MUTYH: variants seen among roughly 807,000 people sequenced by gnomAD.
MUTYH encodes the protein adenine DNA glycosylase.
A neutral mutation model predicts 72.9 loss-of-function variants in MUTYH; 64 were observed. The observed-to-expected ratio is 0.88, with a 90% CI of 0.72 to 1.08. MUTYH has a LOEUF of 1.08. MUTYH is among the 50% of genes least tolerant of loss of function. The probability of loss-of-function intolerance (pLI) is 0.00; values close to 1 mark genes in which losing one functional copy is unlikely to be tolerated. For synonymous variants in MUTYH, 234 were observed against 263.1 expected (o/e 0.89, Z 1.07); for missense variants, 633 against 671.0 (o/e 0.94, Z 0.63).
chr1:45,331,853 G>C lies in MUTYH; in HGVS notation c.914-4C>G. ...TGGCACTGTCCAGTGTTGGGAGCTG[G>C]GAACGGAGATCCCCGAACCCTACTC... On this transcript the variant is annotated splice_polypyrimidine_tract_variant and splice_region_variant and intron_variant, in intron 11 of 15. Coordinates refer to ENST00000456914, the MANE Select transcript of MUTYH (RefSeq NM_001048174.2). 1 of 1,600,652 alleles carries C rather than the reference G, an allele frequency of 6.2e-7. No homozygotes were observed. Among genetic ancestry groups the C allele is most frequent in the South Asian group, 1.1e-5 (1 of 89,866 alleles).
At chr1:45,339,986 C>G, upstream of MUTYH, 1 of 1,533,622 alleles carries the variant, frequency 6.5e-7, no homozygotes, top group Non-Finnish European at 8.8e-7. Flanking sequence ...CTCCCGCGAG[C>G]TCTAGCGCGC....
intron 14 of MUTYH, 114 bp downstream of exon 14, chr1:45,331,068 G>T: frequency 7.0e-7 from 1 of 1,423,512 alleles, no homozygotes; most frequent in Non-Finnish European, 9.8e-7. Flanking sequence ...CTGGGCAACA[G>T]AGCGATTCTC....
rs77576284 is a variant in MUTYH at position 45,338,650 on chromosome 1, T to C, written c.-7+1249A>G. On this transcript the variant is annotated intron_variant, in intron 1 of 15. Transcript: ENST00000456914. ...TCAGTGCCAGGTAAACTGTACACAA[T>C]AGATACCTGTTAAATGAATTAATGG... 703 of 197,692 alleles carry C rather than the reference T, an allele frequency of 3.6e-3. 14 individuals are homozygous for C. The highest frequency in any genetic ancestry group is 0.03 in the East Asian group (370 of 12,192). The allele number at this position is 197,692 out of a possible 1,614,324, so 12.2% of individuals were successfully genotyped here. A position where few individuals can be genotyped will look rare whatever the true frequency, so the allele number is the denominator to read the frequency against.
At chr1:45,331,077 T>C (rs1404072947) in intron 14 of MUTYH, 105 bp downstream of exon 14, 2 of 1,489,066 alleles carry the variant, frequency 1.3e-6, no homozygotes, top group African/African-American at 2.8e-5. Context: ...AGAGCGATTC[T>C]CCGTCTCAAA....
chr1:45,335,494 G>T (rs1476947650), intron 1 of MUTYH, among the ~76,000 whole-genome samples: 1 of 150,990 alleles, frequency 6.6e-6, no homozygotes, highest in Non-Finnish European at 1.5e-5. Context: ...ACCTCCATTT[G>T]CACTGTCTTA....
At chr1:45,334,241 G>A (rs569821723) in intron 2 of MUTYH, 150 bp downstream of exon 2, 12 of 1,194,930 alleles carry the variant, frequency 1.0e-5, no homozygotes, top group African/African-American at 1.5e-5. Context: ...CACCTGCCTC[G>A]GCCTCCCAAA....
At chr1:45,340,271 G>A (rs968086975), upstream of MUTYH, 3 of 1,613,780 alleles carry the variant, frequency 1.9e-6, no homozygotes, top group East Asian at 2.2e-5. Context: ...CGACAGTGAC[G>A]ATGGCGCAGT....
At chr1:45,336,204 C>A (rs1570491973) in intron 1 of MUTYH, among the ~76,000 whole-genome samples, 1 of 152,208 alleles carries the variant, frequency 6.6e-6, no homozygotes, top group South Asian at 2.1e-4. Context: ...ACAAATAGAG[C>A]TGGACATGCT....
In MUTYH at chr1:45,333,403, G is replaced by A. The variant is rs369242529; in HGVS notation, c.264+10C>T. ...CTCCCACCCACTGTCCCTGCTCCTC[G>A]CCTGCCTACCCGTCTTCTCCATGGT... is the stretch of plus-strand genomic sequence containing the variant. On this transcript the variant is annotated intron_variant, in intron 3 of 15. Coordinates refer to ENST00000456914, the MANE Select transcript of MUTYH (RefSeq NM_001048174.2). 6 of 1,614,090 alleles carry A rather than the reference G, an allele frequency of 3.7e-6. No individual in the cohort carries two copies. The highest frequency in any genetic ancestry group is 5.1e-6 in the Non-Finnish European group (6 of 1,179,948).
At chr1:45,336,676 C>A (rs1169702074) in intron 1 of MUTYH, among the ~76,000 whole-genome samples, 1 of 152,174 alleles carries the variant, frequency 6.6e-6, no homozygotes, top group African/African-American at 2.4e-5. Flanking sequence ...ATTCCACCAC[C>A]CTTTGCTGAC....
chr1:45,340,325 A>G (rs760602987), upstream of MUTYH: 31 of 1,606,248 alleles, frequency 1.9e-5, no homozygotes, highest in Non-Finnish European at 2.2e-5. Flanking sequence ...TCCCAGAGGT[A>G]GCCTTCAAAG....
intron 1 of MUTYH, among the ~76,000 whole-genome samples, chr1:45,336,312 G>A (rs577332673): frequency 2.6e-5 from 4 of 152,306 alleles, no homozygotes; most frequent in East Asian, 3.9e-4. Flanking sequence ...GCAAGACCCC[G>A]TCTCTACAAA....
In MUTYH at chr1:45,331,541, A is replaced by G. The variant is rs1557461836; in HGVS notation, c.1118T>C (p.Leu373Pro). ...QRPNSGLLAG[L>P]WEFPSVTWEP... The stretch of plus-strand genomic sequence containing the variant: ...CCAGGTCACGGACGGGAACTCCCAC[A>G]GTCCTGCCAGCAGACCTGAGAGGGA... Residue 373 changes from leucine (L) to proline (P), a missense_variant, in exon 13 of 16, where the codon CTG becomes CCG. Physicochemically the swap from Leu to Pro is moderately conservative, Grantham distance 98. Transcript: ENST00000456914. 1 of 1,614,036 alleles carries G rather than the reference A, an allele frequency of 6.2e-7. No homozygotes were observed.
chr1:45,337,326 T>G (rs1646044773), intron 1 of MUTYH, among the ~76,000 whole-genome samples: 2 of 151,702 alleles, frequency 1.3e-5, no homozygotes, highest in Admixed American at 1.3e-4. Flanking sequence ...TCCAGCTAAT[T>G]TTTGTATTTT....
At chr1:45,332,364 A>G (rs538252377) in intron 9 of MUTYH, 27 bp downstream of exon 9, 2 of 1,614,140 alleles carry the variant, frequency 1.2e-6, no homozygotes, top group South Asian at 1.1e-5. Context: ...ACACCCCTGA[A>G]GCACCCTTGT....
intron 1 of MUTYH, among the ~76,000 whole-genome samples, chr1:45,336,568 C>T (rs976951297): frequency 3.9e-5 from 6 of 151,958 alleles, no homozygotes; most frequent in African/African-American, 1.5e-4. Flanking sequence ...TATAATCTCC[C>T]CACCCTTGAG....
rs1570427362 is a variant in MUTYH, at chr1:45,332,924, G to A, written c.414C>T (p.Ser138=). ...WPTLQDLASA[S]LEEVNQLWAG... ...ACCCTAGGGTGGCTCTCACCTCCAG[G>A]GAAGCACTGGCCAGGTCCTGCAGTG... The change falls in exon 6 of 16, where the codon TCC becomes TCT. Residue 138 remains serine (S), a synonymous_variant. Transcript: ENST00000456914. The A allele has an allele frequency of 6.2e-7, 1 of 1,614,028 alleles. No homozygotes were observed. The highest frequency in any genetic ancestry group is 1.1e-5 in the South Asian group (1 of 91,088).
rs1553125290 is a variant in MUTYH at position 45,331,314 on chromosome 1, G to A, written c.1260C>T (p.His420=). 1 of 1,614,214 alleles carries A rather than the reference G, an allele frequency of 6.2e-7. No individual in the cohort carries two copies. The change falls in exon 14 of 16, where the codon CAC becomes CAT. Residue 420 remains histidine (H), a synonymous_variant. Transcript: ENST00000456914. ...HLGEVVHTFS[H]IKLTYQVYGL... ...CATATACTTGATATGTCAGCTTGATGTGAGAGAAGGTGTGGACAACCTGGA... is the reference window on the plus strand; with the variant it reads ...CATATACTTGATATGTCAGCTTGATATGAGAGAAGGTGTGGACAACCTGGA...
Position 45,332,157 on chromosome 1 carries a change from T to C in MUTYH, c.849+9A>G, listed in dbSNP as rs1451785434. 7 of 1,614,070 alleles carry C rather than the reference T, an allele frequency of 4.3e-6. No homozygotes were observed. The African/African-American group carries it at 5.3e-5, about 12-fold the overall frequency. Reference sequence around the variant, plus strand: ...GGACTTCTCACTGCCCCTTCCCCAGTAGGCTTACTCTCTGGCGTGCCCGGC... The same window carrying C: ...GGACTTCTCACTGCCCCTTCCCCAGCAGGCTTACTCTCTGGCGTGCCCGGC... On this transcript the variant is annotated intron_variant, in intron 10 of 15. Transcript: ENST00000456914.
Sources: gnomAD v4.1 joint callset for allele counts (sites outside exome capture counted in the v4.1 genomes callset) on GRCh38, gnomAD v4.1.1 for gene constraint, MANE v1.5 for transcripts, NCBI Gene and HGNC (gene_info 2026-07-23, HGNC 2026-07-21) for gene names.